The following HMBOX1 variants were observed in gnomAD, a reference collection of about 807,000 sequenced individuals.
HMBOX1 encodes homeobox containing 1, also known as homeobox-containing protein 1.
A neutral mutation model predicts 54.5 loss-of-function variants in HMBOX1; 14 were observed. The observed-to-expected ratio is 0.26, with a 90% CI of 0.17 to 0.40. HMBOX1 has a LOEUF of 0.40. HMBOX1 is among the 10% of genes least tolerant of loss of function. The pLI is 1.00. For missense variants in HMBOX1, 332 were observed against 514.4 expected (o/e 0.65, Z 3.43); for synonymous variants, 160 against 181.0 (o/e 0.88, Z 0.93).
chr8:29,037,311 C>G (rs1186739077), intron 6 of HMBOX1, among the ~76,000 whole-genome samples: 1 of 152,076 alleles, frequency 6.6e-6, no homozygotes. Flanking sequence ...TGGTTTGTTG[C>G]TAAAAGTTAG....
chr8:28,901,300 A>T (rs1200069142), intron 1 of HMBOX1, among the ~76,000 whole-genome samples: 2 of 151,562 alleles, frequency 1.3e-5, no homozygotes, highest in African/African-American at 4.9e-5. Context: ...GCTGCATTTG[A>T]TGTAATATTT....
intron 1 of HMBOX1, among the ~76,000 whole-genome samples, chr8:28,957,444 A>G (rs1419896522): frequency 1.3e-5 from 2 of 152,192 alleles, no homozygotes; most frequent in African/African-American, 4.8e-5. Flanking sequence ...GGTTGAAAAA[A>G]TAACTGTTGG....
intron 1 of HMBOX1, among the ~76,000 whole-genome samples, chr8:28,948,404 T>C (rs1301601617): frequency 6.6e-6 from 1 of 152,190 alleles, no homozygotes; most frequent in Non-Finnish European, 1.5e-5. Context: ...ATAAAAGAAG[T>C]GCCTATGTAG....
chr8:28,987,441 CTG>C (rs996829814), intron 4 of HMBOX1, among the ~76,000 whole-genome samples: 1 of 152,086 alleles, frequency 6.6e-6, no homozygotes, highest in African/African-American at 2.4e-5. Flanking sequence ...CACAAGGTAT[CTG>C]TGTGTGATAA....
chr8:29,010,075 T>C, intron 5 of HMBOX1: 1 of 984,438 alleles, frequency 1.0e-6, no homozygotes, highest in Non-Finnish European at 1.2e-6. Flanking sequence ...ATAAGATTTT[T>C]TTCCCTAAAG....
intron 6 of HMBOX1, among the ~76,000 whole-genome samples, chr8:29,037,317 G>T (rs563102209): frequency 1.3e-5 from 2 of 152,264 alleles, no homozygotes; most frequent in East Asian, 3.9e-4. Flanking sequence ...GTTGCTAAAA[G>T]TTAGCATTAA....
intron 1 of HMBOX1, among the ~76,000 whole-genome samples, chr8:28,910,074 A>G (rs902385274): frequency 6.6e-6 from 1 of 152,126 alleles, no homozygotes; most frequent in African/African-American, 2.4e-5. Flanking sequence ...CCAGCTCCAG[A>G]CAACCACCAT....
chr8:28,908,068 G>C (rs1027059135), intron 1 of HMBOX1, among the ~76,000 whole-genome samples: 2 of 152,016 alleles, frequency 1.3e-5, no homozygotes, highest in African/African-American at 4.8e-5. Context: ...GCCCAGGCTG[G>C]TTTCAAACTC....
intron 1 of HMBOX1, among the ~76,000 whole-genome samples, chr8:28,958,341 AT>A (rs1163287297): frequency 1.3e-5 from 2 of 151,974 alleles, no homozygotes; most frequent in Non-Finnish European, 2.9e-5. Flanking sequence ...ACAAAAAGAT[AT>A]TTTTCTCTTT....
chr8:28,959,824 C>T (rs552032939), intron 1 of HMBOX1, among the ~76,000 whole-genome samples: 1 of 152,156 alleles, frequency 6.6e-6, no homozygotes, highest in African/African-American at 2.4e-5. Context: ...TTATTTTACT[C>T]TATTTGGTTT....
intron 1 of HMBOX1, among the ~76,000 whole-genome samples, chr8:28,908,329 A>T (rs1309713425): frequency 6.6e-6 from 1 of 152,252 alleles, no homozygotes; most frequent in Non-Finnish European, 1.5e-5. Flanking sequence ...TTTATTTTGC[A>T]AATTCAAACC....
chr8:29,008,518 G>A (rs1833785198), intron 4 of HMBOX1, among the ~76,000 whole-genome samples: 1 of 151,880 alleles, frequency 6.6e-6, no homozygotes, highest in Non-Finnish European at 1.5e-5. Context: ...TGTACTAATG[G>A]TAATGACTCT....
chr8:29,013,041 G>A (rs1834410000), intron 5 of HMBOX1, among the ~76,000 whole-genome samples: 1 of 152,100 alleles, frequency 6.6e-6, no homozygotes, highest in Admixed American at 6.5e-5. Flanking sequence ...TTTTTCTTCT[G>A]TAAATTTAAG....
At chr8:28,894,534 A>G (rs1330630754) in intron 1 of HMBOX1, among the ~76,000 whole-genome samples, 1 of 152,198 alleles carries the variant, frequency 6.6e-6, no homozygotes, top group Non-Finnish European at 1.5e-5. Flanking sequence ...ATTGATATTG[A>G]AAGTTTTCTC....
At chr8:28,969,507 G>C (rs187417637) in intron 2 of HMBOX1, among the ~76,000 whole-genome samples, 13 of 149,806 alleles carry the variant, frequency 8.7e-5, no homozygotes, top group Admixed American at 5.4e-4. Flanking sequence ...AAGTATTTTT[G>C]CTGGTTATTA....
intron 5 of HMBOX1, among the ~76,000 whole-genome samples, chr8:29,016,428 T>C (rs1835013085): frequency 1.3e-5 from 2 of 152,316 alleles, no homozygotes; most frequent in South Asian, 4.1e-4. Flanking sequence ...TTAATAATAG[T>C]GTATTGGGGG....
intron 1 of HMBOX1, among the ~76,000 whole-genome samples, chr8:28,959,890 C>T (rs1368499368): frequency 1.3e-5 from 2 of 151,866 alleles, no homozygotes; most frequent in African/African-American, 2.4e-5. Context: ...ACTGGGAAAT[C>T]GTTTTTCTCT....
chr8:28,931,606 A>G (rs532842378), intron 1 of HMBOX1, among the ~76,000 whole-genome samples: 4 of 152,256 alleles, frequency 2.6e-5, no homozygotes, highest in Admixed American at 6.5e-5. Context: ...CAGTGTTACA[A>G]TCACATCTCA....
upstream of HMBOX1, chr8:28,890,165 G>A (rs1810587277): frequency 4.1e-6 from 2 of 486,300 alleles, no homozygotes; most frequent in Admixed American, 3.5e-5. Flanking sequence ...ACCCCAGCAT[G>A]ATATCATGTC....
Sources: allele counts gnomAD v4.1 joint callset (sites outside exome capture counted in the v4.1 genomes callset), GRCh38; gene constraint gnomAD v4.1.1; transcripts MANE v1.5; gene names NCBI Gene and HGNC (gene_info 2026-07-23, HGNC 2026-07-21).